The following RCHY1 variants were observed in gnomAD, a reference collection of about 807,000 sequenced individuals.
RCHY1 encodes the protein RING finger and CHY zinc finger domain-containing protein 1.
A neutral mutation model predicts 41.6 loss-of-function variants in RCHY1; 21 were observed. The ratio of observed to expected loss-of-function variants is 0.51; its 90% CI spans 0.36 to 0.73. The LOEUF is 0.73. RCHY1 is among the 30% of genes least tolerant of loss of function. RCHY1 has a pLI of 0.00. For synonymous variants in RCHY1, 79 were observed against 102.9 expected (o/e 0.77, Z 1.41); for missense variants, 265 against 325.3 (o/e 0.81, Z 1.43).
intron 1 of RCHY1, among the ~76,000 whole-genome samples, chr4:75,511,914 C>T (rs1724917618): frequency 6.6e-6 from 1 of 152,110 alleles, no homozygotes; most frequent in South Asian, 2.1e-4. Context: ...ATTCACCACA[C>T]TTTGAAAACC....
Position 75,479,985 on chromosome 4 carries a change from G to C in RCHY1, c.*2553C>G, listed in dbSNP as rs1306988066. On this transcript the variant is annotated 3_prime_UTR_variant, in exon 9 of 9. Transcript: ENST00000324439. Reference sequence around the variant, plus strand: ...TATAACCTATACTTATGAAGTCAGAGAAAGAAAAAATATTTAAGGGTAAAG... The same window carrying C: ...TATAACCTATACTTATGAAGTCAGACAAAGAAAAAATATTTAAGGGTAAAG... 6.6e-6 allele frequency: 1 copy of C among 152,104 alleles called. No homozygotes were observed. The highest frequency in any genetic ancestry group is 2.4e-5 in the African/African-American group (1 of 41,430). 9.4% of individuals were successfully genotyped at this position (152,104 alleles called of 1,614,324 possible).
At chr4:75,487,436 T>A (rs900774356) in intron 8 of RCHY1, among the ~76,000 whole-genome samples, 1 of 141,510 alleles carries the variant, frequency 7.1e-6, no homozygotes, top group African/African-American at 2.6e-5. Context: ...TATAAATGAC[T>A]ATATATAAAT....
chr4:75,503,712 A>G (rs534966242), intron 3 of RCHY1, among the ~76,000 whole-genome samples: 5 of 152,254 alleles, frequency 3.3e-5, no homozygotes, highest in Non-Finnish European at 7.4e-5. Flanking sequence ...TAATTAAAAA[A>G]AAAAAGAAAA....
At chr4:75,506,777 C>T (rs989209456) in intron 3 of RCHY1, among the ~76,000 whole-genome samples, 1 of 151,912 alleles carries the variant, frequency 6.6e-6, no homozygotes, top group Non-Finnish European at 1.5e-5. Context: ...AGACATCAAG[C>T]CACAGATTCA....
intron 1 of RCHY1, among the ~76,000 whole-genome samples, chr4:75,513,449 G>A (rs77777051): frequency 0.049 from 7,456 of 152,126 alleles, 210 homozygotes; most frequent in South Asian, 0.083. Context: ...TTACATACGG[G>A]GTAGAGAGGA....
rs371416161 is a variant in RCHY1 at position 75,482,541 on chromosome 4, T to C, written c.783A>G (p.Gln261=). Residue 261 remains glutamine (Q), a synonymous_variant, in exon 9 of 9, where the codon CAA becomes CAG. Coordinates refer to ENST00000324439, the MANE Select transcript of RCHY1 (RefSeq NM_015436.4). The part of the protein sequence containing the change: ...AGGRRISLDQ[Q] ...TCTCCAGTACTGTGTAGGCTCGTCA[T>C]TGCTGATCCAGTGAAATTCTACGTC... 5.0e-6 allele frequency: 8 copies of C among 1,603,196 alleles called. No homozygotes were observed. The highest frequency in any genetic ancestry group is 1.7e-5 in the Admixed American group (1 of 58,736).
rs1312591893 is a variant in RCHY1, at chr4:75,491,894, A to C, written c.445T>G (p.Leu149Val). 2.6e-5 allele frequency: 42 copies of C among 1,608,924 alleles called. No individual in the cohort carries two copies. The highest frequency in any genetic ancestry group is 3.5e-5 in the Non-Finnish European group (41 of 1,177,994). ...AAAAAATATTTTAAGCCTACCTCCA[A>C]ACATATTGGACAATTCTGTCGGGAC... Reference protein sequence around the residue: ...NVSRQNCPICLEDIHTSRVVA... With the variant: ...NVSRQNCPICVEDIHTSRVVA... Residue 149 changes from leucine (L) to valine (V), a missense_variant, in exon 5 of 9, where the codon TTG becomes GTG. Transcript: ENST00000324439.
At chr4:75,514,159 C>T (rs1236687696) in intron 1 of RCHY1, 38 bp downstream of exon 1, 6 of 1,586,246 alleles carry the variant, frequency 3.8e-6, no homozygotes, top group Non-Finnish European at 5.2e-6. Context: ...CCCAACCTGA[C>T]GGAAGCTTGT....
At chr4:75,497,190 G>C (rs1216925048) in intron 3 of RCHY1, among the ~76,000 whole-genome samples, 1 of 152,124 alleles carries the variant, frequency 6.6e-6, no homozygotes, top group African/African-American at 2.4e-5. Flanking sequence ...CAGAGCATGA[G>C]TAAGCTGTGA....
chr4:75,493,718 A>G (rs758128206), intron 4 of RCHY1, among the ~76,000 whole-genome samples: 5 of 151,930 alleles, frequency 3.3e-5, no homozygotes, highest in Non-Finnish European at 7.4e-5. Flanking sequence ...CTTAATTATA[A>G]AAAGAAATAG....
intron 1 of RCHY1, 47 bp from the exon 2 acceptor site, chr4:75,509,343 C>G: frequency 1.9e-6 from 3 of 1,586,092 alleles, no homozygotes; most frequent in South Asian, 1.1e-5. Context: ...GCAAAAGAAA[C>G]TAAGTGTGCA....
intron 3 of RCHY1, among the ~76,000 whole-genome samples, chr4:75,498,586 G>C (rs1347744922): frequency 6.7e-6 from 1 of 150,196 alleles, no homozygotes; most frequent in African/African-American, 2.4e-5. Context: ...GGCATAAAAA[G>C]AGACAAGTAG....
rs569192325 is a variant in RCHY1 at position 75,481,288 on chromosome 4, G to A, written c.*1250C>T. 1 of 152,286 alleles carries A rather than the reference G, an allele frequency of 6.6e-6. No individual in the cohort carries two copies. Among genetic ancestry groups the A allele is most frequent in the South Asian group, 2.1e-4 (1 of 4,832 alleles). 9.4% of individuals were successfully genotyped at this position (152,286 alleles called of 1,614,324 possible). On this transcript the variant is annotated 3_prime_UTR_variant, in exon 9 of 9. Coordinates refer to ENST00000324439, the MANE Select transcript of RCHY1 (RefSeq NM_015436.4). ...TAAAAGGCTAACTTCCTTATTCAAA[G>A]AAGATTCAAATAGCTCAAAGTTGGA...
At chr4:75,509,320 G>A (rs930155673) in intron 1 of RCHY1, 24 bp from the exon 2 acceptor site, 1 of 1,601,616 alleles carries the variant, frequency 6.2e-7, no homozygotes, top group South Asian at 1.1e-5. Flanking sequence ...AGAAAAAAGA[G>A]ATATAGTAAG....
At chr4:75,495,901 A>G (rs977514506) in intron 3 of RCHY1, among the ~76,000 whole-genome samples, 1 of 151,618 alleles carries the variant, frequency 6.6e-6, no homozygotes, top group East Asian at 1.9e-4. Flanking sequence ...TTGTCTGTGT[A>G]TATACACACA....
Position 75,493,612 on chromosome 4 carries a change from C to T in RCHY1, c.405+489G>A, listed in dbSNP as rs193183043. On this transcript the variant is annotated intron_variant, in intron 4 of 8. Transcript: ENST00000324439. ...ATTCTTACAGTAGATAGAATCAGTA[C>T]TATAATGTAATACTTTATTAGATTT... Among the ~76,000 whole-genome samples the T allele has an allele frequency of 5.3e-5, 8 of 151,796 alleles. No individual in the cohort carries two copies. In the East Asian group the frequency reaches 1.4e-3, roughly 26 times the overall value.
chr4:75,492,697 C>T (rs528993985), intron 4 of RCHY1, among the ~76,000 whole-genome samples: 1 of 151,674 alleles, frequency 6.6e-6, no homozygotes, highest in African/African-American at 2.4e-5. Context: ...TGAAAAACAA[C>T]ATAACAAAAA....
At chr4:75,507,521 C>A (rs546037982) in intron 3 of RCHY1, among the ~76,000 whole-genome samples, 8 of 152,024 alleles carry the variant, frequency 5.3e-5, no homozygotes, top group East Asian at 1.9e-4. Flanking sequence ...TAATAAAAAA[C>A]GAACTATATA....
chr4:75,492,422 T>C (rs1424350893), intron 4 of RCHY1, among the ~76,000 whole-genome samples: 1 of 151,966 alleles, frequency 6.6e-6, no homozygotes, highest in Non-Finnish European at 1.5e-5. Context: ...TAGGCTATGA[T>C]TGTTATACCA....
Sources: allele counts gnomAD v4.1 joint callset (sites outside exome capture counted in the v4.1 genomes callset), GRCh38; gene constraint gnomAD v4.1.1; transcripts MANE v1.5; gene names NCBI Gene and HGNC (gene_info 2026-07-23, HGNC 2026-07-21).